The following SLX4IP variants were observed in gnomAD, a reference collection of about 807,000 sequenced individuals.
SLX4IP encodes the protein protein SLX4IP.
A neutral mutation model predicts 32.9 loss-of-function variants in SLX4IP; 34 were observed. That is an observed-to-expected ratio of 1.03 (90% CI 0.79 to 1.38). SLX4IP has a LOEUF of 1.38. SLX4IP is among the 40% of genes most tolerant of loss of function. The pLI is 0.00. For missense variants in SLX4IP, 444 were observed against 479.0 expected (o/e 0.93, Z 0.68); for synonymous variants, 172 against 171.7 (o/e 1.00, Z -0.01).
chr20:10,521,588 A>G (rs2065901422), intron 2 of SLX4IP, among the ~76,000 whole-genome samples: 1 of 152,202 alleles, frequency 6.6e-6, no homozygotes, highest in Non-Finnish European at 1.5e-5. Flanking sequence ...ATTAAATTCA[A>G]TTAAAATGCT....
intron 1 of SLX4IP, among the ~76,000 whole-genome samples, chr20:10,440,281 C>G (rs1022767576): frequency 6.6e-6 from 1 of 151,836 alleles, no homozygotes. Context: ...ATGGTGAAAC[C>G]CTGTCTCTAC....
chr20:10,592,832 CCAT>C (rs1381699819), intron 4 of SLX4IP, among the ~76,000 whole-genome samples: 1 of 151,800 alleles, frequency 6.6e-6, no homozygotes, highest in Non-Finnish European at 1.5e-5. Flanking sequence ...CAGGGTTTCA[CCAT>C]GTGAGCCAGG....
chr20:10,510,542 C>A (rs1600944579), intron 2 of SLX4IP, among the ~76,000 whole-genome samples: 2 of 152,032 alleles, frequency 1.3e-5, no homozygotes, highest in East Asian at 3.9e-4. Context: ...TGAAAGAGAG[C>A]CTGGCCATGG....
intron 2 of SLX4IP, among the ~76,000 whole-genome samples, chr20:10,519,389 C>T (rs886526756): frequency 6.6e-6 from 1 of 152,156 alleles, no homozygotes; most frequent in Non-Finnish European, 1.5e-5. Flanking sequence ...CCACTCCTAC[C>T]CCTTGGCAAC....
chr20:10,605,004 G>A lies in SLX4IP; in HGVS notation c.405+3185G>A, dbSNP rs369451512. On this transcript the variant is annotated intron_variant, in intron 6 of 7. Transcript: ENST00000334534. ...AGAACATAAAGTGAATTTTGATTGC[G>A]CTCAGCTACATTCCATTCCAACAAT... Among the ~76,000 whole-genome samples, 12 of 152,072 alleles carry A rather than the reference G, an allele frequency of 7.9e-5. No homozygotes were observed. In the South Asian group the frequency reaches 2.1e-3, roughly 26 times the overall value.
intron 4 of SLX4IP, among the ~76,000 whole-genome samples, chr20:10,572,539 T>C (rs2066477926): frequency 6.6e-6 from 1 of 152,198 alleles, no homozygotes. Context: ...TTTGTCTAAA[T>C]AGGGTTCAGG....
At chr20:10,445,576 A>G (rs1350566020) in intron 1 of SLX4IP, among the ~76,000 whole-genome samples, 1 of 149,028 alleles carries the variant, frequency 6.7e-6, no homozygotes, top group African/African-American at 2.5e-5. Flanking sequence ...CAGCCTCCCA[A>G]AGTGCTGGGA....
chr20:10,469,335 C>A (rs1406247952), intron 2 of SLX4IP, among the ~76,000 whole-genome samples: 4 of 152,018 alleles, frequency 2.6e-5, no homozygotes, highest in African/African-American at 9.7e-5. Context: ...AAAAAATCAT[C>A]TCAACCTATT....
At chr20:10,475,472 T>C (rs911715991) in intron 2 of SLX4IP, among the ~76,000 whole-genome samples, 1 of 152,196 alleles carries the variant, frequency 6.6e-6, no homozygotes, top group Non-Finnish European at 1.5e-5. Context: ...CTCAGCATAC[T>C]GGCATCAGTG....
intron 3 of SLX4IP, among the ~76,000 whole-genome samples, chr20:10,560,311 G>T (rs1374360818): frequency 6.6e-6 from 1 of 152,160 alleles, no homozygotes; most frequent in Non-Finnish European, 1.5e-5. Context: ...GCCAGTGTTG[G>T]CTCTTCTTGA....
chr20:10,611,827 T>G, intron 6 of SLX4IP, among the ~76,000 whole-genome samples: 1 of 152,224 alleles, frequency 6.6e-6, no homozygotes, highest in East Asian at 1.9e-4. Flanking sequence ...GTTGTCCAAA[T>G]ATCACAGTCA....
At chr20:10,555,084 A>T (rs956077849) in intron 2 of SLX4IP, among the ~76,000 whole-genome samples, 4 of 152,024 alleles carry the variant, frequency 2.6e-5, no homozygotes, top group African/African-American at 9.7e-5. Context: ...CTCAAATTAA[A>T]TTTTGTATAT....
intron 2 of SLX4IP, among the ~76,000 whole-genome samples, chr20:10,477,743 A>C (rs1396960736): frequency 1.3e-5 from 2 of 152,204 alleles, no homozygotes; most frequent in African/African-American, 4.8e-5. Context: ...TTACCAAATA[A>C]ATAAGCCTTA....
chr20:10,460,185 T>C (rs1212432854), intron 2 of SLX4IP, among the ~76,000 whole-genome samples: 1 of 152,226 alleles, frequency 6.6e-6, no homozygotes, highest in African/African-American at 2.4e-5. Context: ...TGGTTGGTTT[T>C]AGAATTCTAG....
At chr20:10,463,973 G>T (rs1343017487) in intron 2 of SLX4IP, among the ~76,000 whole-genome samples, 3 of 152,162 alleles carry the variant, frequency 2.0e-5, no homozygotes, top group African/African-American at 7.2e-5. Context: ...AAGGAAACAT[G>T]TGGGAGGGCA....
At chr20:10,611,237 C>T (rs1230430962) in intron 6 of SLX4IP, among the ~76,000 whole-genome samples, 1 of 152,140 alleles carries the variant, frequency 6.6e-6, no homozygotes, top group African/African-American at 2.4e-5. Context: ...AGAGGGCTGT[C>T]GCATACAATA....
intron 1 of SLX4IP, among the ~76,000 whole-genome samples, chr20:10,441,443 A>G (rs1024924990): frequency 1.3e-5 from 2 of 152,094 alleles, no homozygotes; most frequent in African/African-American, 4.8e-5. Context: ...TCTCTAAACA[A>G]CAACAACAAC....
chr20:10,561,560 G>C (rs1601004381), intron 4 of SLX4IP, among the ~76,000 whole-genome samples: 2 of 119,726 alleles, frequency 1.7e-5, no homozygotes, highest in African/African-American at 7.5e-5. Flanking sequence ...TTTTTTTTTG[G>C]TTATAGTAGT....
chr20:10,618,042 C>T (rs971884632), intron 6 of SLX4IP, among the ~76,000 whole-genome samples: 1 of 152,218 alleles, frequency 6.6e-6, no homozygotes, highest in African/African-American at 2.4e-5. Flanking sequence ...TCTTTGCAGT[C>T]CTTTCTATCC....
Sources: gnomAD v4.1 joint callset for allele counts (sites outside exome capture counted in the v4.1 genomes callset) on GRCh38, gnomAD v4.1.1 for gene constraint, MANE v1.5 for transcripts, NCBI Gene and HGNC (gene_info 2026-07-23, HGNC 2026-07-21) for gene names.